The following SLC40A1 variants were observed in gnomAD, a reference collection of about 807,000 sequenced individuals.
SLC40A1 encodes solute carrier family 40 member 1.
A neutral mutation model predicts 53.5 loss-of-function variants in SLC40A1; 16 were observed. That is an observed-to-expected ratio of 0.30 (90% CI 0.20 to 0.45). SLC40A1 has a LOEUF of 0.45. Ranked by LOEUF, SLC40A1 falls within the 20% of genes least tolerant of loss-of-function variation. The pLI is 1.00. For missense variants in SLC40A1, 545 were observed against 695.4 expected (o/e 0.78, Z 2.43); for synonymous variants, 247 against 253.2 (o/e 0.98, Z 0.23).
Position 189,563,587 on chromosome 2 carries a change from T to G in SLC40A1, c.1399A>C (p.Ile467Leu). 2.5e-6 allele frequency: 4 copies of G among 1,613,614 alleles called. No homozygotes were observed. Among genetic ancestry groups the G allele is most frequent in the Non-Finnish European group, 3.4e-6 (4 of 1,179,836 alleles). ...TATATAAAAAGAGATTTCTTACCGATTCTAGCAGCAATGACGCCTGCAAAC... is the reference window on the plus strand; with the variant it reads ...TATATAAAAAGAGATTTCTTACCGAGTCTAGCAGCAATGACGCCTGCAAAC... ...LLFAGVIAAR[I>L]GLWSFDLTVT... The change falls in exon 7 of 8, where the codon ATC becomes CTC. Residue 467 changes from isoleucine to leucine, a missense_variant. By Grantham distance (5) the Ile-to-Leu change is conservative (BLOSUM62 2). Around this residue, in one of 4 missense-constraint regions of SLC40A1, gnomAD observed 234 missense variants for 299.0 expected, o/e 0.78. Transcript: ENST00000261024.
intron 3 of SLC40A1, 34 bp from the exon 4 acceptor site, chr2:189,572,995 T>C: frequency 7.3e-7 from 1 of 1,370,482 alleles, no homozygotes; most frequent in Non-Finnish European, 1.0e-6. Context: ...GTACATTACA[T>C]CAAAATGTCT....
At chr2:189,578,419 C>T (rs2031359800) in intron 2 of SLC40A1, 2 of 977,374 alleles carry the variant, frequency 2.0e-6, no homozygotes, top group South Asian at 4.8e-5. Context: ...GACAAAATAT[C>T]CTCCTGGAAC....
chr2:189,569,998 GTATGTATATA>G (rs1282062054), intron 5 of SLC40A1, among the ~76,000 whole-genome samples: 3 of 91,816 alleles, frequency 3.3e-5, no homozygotes, highest in Non-Finnish European at 8.2e-5. Context: ...ACCTATATAT[GTATGTATATA>G]TATATACACA....
chr2:189,578,380 A>T, intron 2 of SLC40A1: 1 of 1,002,314 alleles, frequency 1.0e-6, no homozygotes, highest in Non-Finnish European at 1.2e-6. Context: ...AGCATGTGTC[A>T]CCTTTCTTGT....
chr2:189,570,073 T>TATAC (rs2031078741), intron 5 of SLC40A1, among the ~76,000 whole-genome samples: 2 of 150,112 alleles, frequency 1.3e-5, no homozygotes, highest in South Asian at 4.2e-4. Context: ...TGTATATATA[T>TATAC]ACACATCTAT....
chr2:189,569,645 C>T (rs754222760), intron 5 of SLC40A1, among the ~76,000 whole-genome samples: 4 of 152,188 alleles, frequency 2.6e-5, no homozygotes, highest in Non-Finnish European at 4.4e-5. Context: ...TGTTTTGAAA[C>T]ATGCAGAAAG....
chr2:189,570,337 G>A (rs2031087699), intron 5 of SLC40A1, among the ~76,000 whole-genome samples: 1 of 151,986 alleles, frequency 6.6e-6, no homozygotes, highest in African/African-American at 2.4e-5. Flanking sequence ...ACAAATATAT[G>A]TGTGATCTAT....
chr2:189,570,169 ACTTT>A (rs2031083120), intron 5 of SLC40A1, among the ~76,000 whole-genome samples: 1 of 151,654 alleles, frequency 6.6e-6, no homozygotes, highest in Admixed American at 6.6e-5. Flanking sequence ...ATTCTGGCTA[ACTTT>A]CTTTTTCATA....
chr2:189,573,406 C>T (rs2031194718), intron 3 of SLC40A1, among the ~76,000 whole-genome samples: 1 of 152,192 alleles, frequency 6.6e-6, no homozygotes, highest in South Asian at 2.1e-4. Context: ...ATATGGTTTA[C>T]CTAAATAGAA....
chr2:189,568,270 C>T (rs1451538589), intron 5 of SLC40A1, among the ~76,000 whole-genome samples: 2 of 151,722 alleles, frequency 1.3e-5, no homozygotes, highest in Non-Finnish European at 2.9e-5. Flanking sequence ...GGGTGGATCA[C>T]GAGGTCAGGA....
chr2:189,564,130 AG>A lies in SLC40A1; in HGVS notation c.855del (p.Ser286ProfsTer34), dbSNP rs1469814350. The A allele has an allele frequency of 6.2e-7, 1 of 1,611,586 alleles. No homozygotes were observed. The highest frequency in any genetic ancestry group is 8.5e-7 in the Non-Finnish European group (1 of 1,178,988). On this transcript the variant is annotated frameshift_variant, in exon 7 of 8. Transcript: ENST00000261024. LOFTEE classifies it high-confidence loss of function. ...GTACGGAAGGGCTCAGCCATCTGGG[AG>A]GCACAAGTAGGCTCTTGCTCATGTT... is the stretch of plus-strand genomic sequence containing the variant. ...ELEHEQEPTCASQMAEPFRTF... is the reference protein window; with the variant it reads ...ELEHEQEPTCXSQMAEPFRTF...
chr2:189,572,770 G>A (rs932176686), intron 4 of SLC40A1, 76 bp downstream of exon 4: 18 of 1,030,610 alleles, frequency 1.7e-5, no homozygotes, highest in Non-Finnish European at 2.3e-5. Flanking sequence ...AAAAAAAATA[G>A]CTTCAAAGCA....
intron 2 of SLC40A1, among the ~76,000 whole-genome samples, chr2:189,579,408 G>C (rs1466605739): frequency 6.6e-6 from 1 of 151,988 alleles, no homozygotes; most frequent in Non-Finnish European, 1.5e-5. Context: ...CTGCACGCTG[G>C]AACTAAATTT....
Position 189,563,930 on chromosome 2 carries a change from A to G in SLC40A1, c.1056T>C (p.Thr352=). ...TAAAAGCTACAGTTCCCATTATTCC[A>G]GTTATAGCTGATGCTCCCATCAAAA... The part of the protein sequence containing the change: ...LSILMGASAI[T]GIMGTVAFTW... The change falls in exon 7 of 8, where the codon ACT becomes ACC. Residue 352 remains threonine, a synonymous_variant. Transcript: ENST00000261024. The G allele has an allele frequency of 1.2e-6, 2 of 1,614,180 alleles. No homozygotes were observed. Among genetic ancestry groups the G allele is most frequent in the Non-Finnish European group, 1.7e-6 (2 of 1,180,030 alleles).
At position 189,579,879 on chromosome 2, in the gene SLC40A1, T is replaced by G; in HGVS notation, c.45A>C (p.Gly15=). 2.5e-6 allele frequency: 4 copies of G among 1,614,130 alleles called. No individual in the cohort carries two copies. Among genetic ancestry groups the G allele is most frequent in the Non-Finnish European group, 3.4e-6 (4 of 1,180,006 alleles). Residue 15 remains glycine (G), a splice_region_variant and synonymous_variant, in exon 2 of 8, where the codon GGA becomes GGC. Transcript: ENST00000261024. ...CAGAGGTCAGGTAGTCGGCCAAGGA[T>G]CCTGCAAAGACACAGGCGGGGTGAC... ...GDHNRQRGCC[G]SLADYLTSAK...
intron 7 of SLC40A1, 102 bp from the exon 8 acceptor site, chr2:189,562,293 C>T: frequency 1.1e-6 from 1 of 895,254 alleles, no homozygotes; most frequent in Non-Finnish European, 1.7e-6. Flanking sequence ...TACATTTTAG[C>T]CTGACTGTCT....
chr2:189,568,308 G>A (rs1356963418), intron 5 of SLC40A1, among the ~76,000 whole-genome samples: 1 of 151,998 alleles, frequency 6.6e-6, no homozygotes, highest in Admixed American at 6.5e-5. Context: ...CTAACACAGT[G>A]AAACCCTGTC....
rs781023503 is a variant in SLC40A1, at chr2:189,575,335, G to T, written c.112-15C>A. 3.1e-6 allele frequency: 5 copies of T among 1,613,932 alleles called. No individual in the cohort carries two copies. In the South Asian group the frequency reaches 5.5e-5, roughly 18 times the overall value. ...ATCCGATCTCCCTTAAATGAAAAGA[G>T]AAAATGTTTTGATGGAATATTTTTC... On this transcript the variant is annotated splice_polypyrimidine_tract_variant and intron_variant, in intron 2 of 7. Transcript: ENST00000261024.
At chr2:189,563,474 G>A in intron 7 of SLC40A1, 110 bp downstream of exon 7, 1 of 935,884 alleles carries the variant, frequency 1.1e-6, no homozygotes, top group Non-Finnish European at 1.6e-6. Flanking sequence ...AGTGGATTTT[G>A]CTTAAATTAA....
Sources: allele counts gnomAD v4.1 joint callset (sites outside exome capture counted in the v4.1 genomes callset), GRCh38; gene constraint gnomAD v4.1.1; regional missense constraint gnomAD v4.1.1; transcripts MANE v1.5; gene names NCBI Gene and HGNC (gene_info 2026-07-23, HGNC 2026-07-21).